The following PCIF1 variants were observed in gnomAD, a reference collection of about 807,000 sequenced individuals.
The protein encoded by PCIF1 is phosphorylated CTD interacting factor 1, also known as mRNA (2'-O-methyladenosine-N(6)-)-methyltransferase.
PCIF1 carries 12 observed loss-of-function variants against 86.9 expected under a neutral mutation model. The ratio of observed to expected loss-of-function variants is 0.14; its 90% CI spans 0.09 to 0.22. The LOEUF (loss-of-function observed/expected upper bound fraction) is 0.22, where lower values mean the gene tolerates loss of function less well. Among genes scored for constraint, PCIF1 ranks in the 10% least tolerant of loss-of-function variants. The pLI is 1.00. For synonymous variants in PCIF1, 397 were observed against 372.0 expected, an observed-to-expected ratio of 1.07 and a Z score of -0.77; for missense variants, 701 against 951.1, an observed-to-expected ratio of 0.74 and a Z score of 3.46.
chr20:45,934,857 G>C, intron 1 of PCIF1, 53 bp downstream of exon 1: 1 of 398,150 alleles, frequency 2.5e-6, no homozygotes. Flanking sequence ...AGGGTCTGGG[G>C]ATCCGAAGCT....
rs759162574 is a variant in PCIF1 at position 45,943,469 on chromosome 20, T to A, written c.905+46T>A. On this transcript the variant is annotated intron_variant, in intron 9 of 16. Transcript: ENST00000372409. This position sits in a 1 kb window ranked among gnomAD's most constrained non-coding sequence, Gnocchi z 5.5. ...AGGCGAGATGGGTCTGTGATTAAAG[T>A]GGCAGGTCATAGGCCATCTTGCCCA... 1 of 1,572,096 alleles carries A rather than the reference T, an allele frequency of 6.4e-7. No homozygotes were observed. The highest frequency in any genetic ancestry group is 8.7e-7 in the Non-Finnish European group (1 of 1,147,404).
In PCIF1 at chr20:45,946,358, C is replaced by T; in HGVS notation, c.1587C>T (p.Asp529=). 1.9e-6 allele frequency: 3 copies of T among 1,613,864 alleles called. 1 individual carries two copies. The South Asian group carries it at 3.3e-5, about 18-fold the overall frequency. The change falls in exon 14 of 17, where the codon GAC becomes GAT. Residue 529 remains aspartate (D), a synonymous_variant. Coordinates refer to ENST00000372409, the MANE Select transcript of PCIF1 (RefSeq NM_022104.4). ...YFRQYCSAFP[D]TDGYFGSRGP... ...GCCAGTACTGTTCTGCCTTCCCCGA[C>T]ACAGACGGCTACTTTGGCTCCCGCG...
chr20:45,943,908 C>T lies in PCIF1; in HGVS notation c.1005+143C>T. ...AGTATGGCAGACGTTCGACATTCGT[C>T]AGTCCCCAAACTCATGACTGTGGAG... On this transcript the variant is annotated intron_variant, in intron 10 of 16. Transcript: ENST00000372409. This position sits in a 1 kb window ranked among gnomAD's most constrained non-coding sequence, Gnocchi z 5.5. The T allele has an allele frequency of 1.6e-6, 1 of 625,754 alleles. No homozygotes were observed. Among genetic ancestry groups the T allele is most frequent in the Non-Finnish European group, 2.8e-6 (1 of 355,622 alleles). 38.8% of individuals were successfully genotyped at this position (625,754 alleles called of 1,614,324 possible).
At position 45,945,149 on chromosome 20, in the gene PCIF1, G is replaced by A. The variant is rs946372771; in HGVS notation, c.1168+119G>A. The A allele has an allele frequency of 5.5e-5, 66 of 1,209,204 alleles. No homozygotes were observed. The African/African-American group carries it at 8.4e-4, about 15-fold the overall frequency. 74.9% of individuals were successfully genotyped at this position (1,209,204 alleles called of 1,614,324 possible). A position where few individuals can be genotyped will look rare whatever the true frequency, so the allele number is the denominator to read the frequency against. On this transcript the variant is annotated intron_variant, in intron 11 of 16. Transcript: ENST00000372409. ...CTGGTTTGGGGCAGAACCTGCCTGT[G>A]TCCTTTGGCTGTACTTCTCTGGGAA... is the stretch of plus-strand genomic sequence containing the variant.
Position 45,943,926 on chromosome 20 carries a change from CTG to C in PCIF1, c.1005+164_1005+165del, listed in dbSNP as rs2083498680. Among the ~76,000 whole-genome samples the C allele has an allele frequency of 6.6e-6, 1 of 151,606 alleles. No individual in the cohort carries two copies. The highest frequency in any genetic ancestry group is 2.4e-5 in the African/African-American group (1 of 40,942). ...CATTCGTCAGTCCCCAAACTCATGACTGTGGAGATGTTTCTCTGGGCTCCTGG... is the reference window on the plus strand; with the variant it reads ...CATTCGTCAGTCCCCAAACTCATGACTGGAGATGTTTCTCTGGGCTCCTGG... On this transcript the variant is annotated intron_variant, in intron 10 of 16. Coordinates refer to ENST00000372409, the MANE Select transcript of PCIF1 (RefSeq NM_022104.4). This position sits in a 1 kb window ranked among gnomAD's most constrained non-coding sequence, Gnocchi z 5.5.
chr20:45,940,991 C>A lies in PCIF1; in HGVS notation c.518+52C>A, dbSNP rs368486446. On this transcript the variant is annotated intron_variant, in intron 6 of 16. Coordinates refer to ENST00000372409, the MANE Select transcript of PCIF1 (RefSeq NM_022104.4). ...GCACCCATTGCTAATGTCAGCCTGT[C>A]TGGGACTGTGGGGTGGTGTGGGTGG... 362 of 1,614,090 alleles carry A rather than the reference C, an allele frequency of 2.2e-4. 1 individual carries two copies. The highest frequency in any genetic ancestry group is 4.9e-4 in the Middle Eastern group (3 of 6,062).
At position 45,947,692 on chromosome 20, in the gene PCIF1, G is replaced by C. The variant is rs1407227559; in HGVS notation, c.2052G>C (p.Ser684=). The C allele has an allele frequency of 1.2e-6, 2 of 1,609,392 alleles. No individual in the cohort carries two copies. The highest frequency in any genetic ancestry group is 1.1e-5 in the South Asian group (1 of 90,966). Residue 684 remains serine, a synonymous_variant, in exon 17 of 17, where the codon TCG becomes TCC. Coordinates refer to ENST00000372409, the MANE Select transcript of PCIF1 (RefSeq NM_022104.4). The surrounding 1 kb of genome is among the most constrained non-coding windows in gnomAD (Gnocchi z 5.4). The part of the protein sequence containing the change: ...HSSGSSSSSS[S]EAKDRDSGRE... ...CTGGTTCTTCCTCATCGTCCTCCTCGGAGGCCAAGGACCGGGACTCGGGCC... is the reference window on the plus strand; with the variant it reads ...CTGGTTCTTCCTCATCGTCCTCCTCCGAGGCCAAGGACCGGGACTCGGGCC...
chr20:45,947,444 T>C lies in PCIF1; in HGVS notation c.1883+6T>C. 6.2e-7 allele frequency: 1 copy of C among 1,613,762 alleles called. No homozygotes were observed. The highest frequency in any genetic ancestry group is 8.5e-7 in the Non-Finnish European group (1 of 1,179,992). ...TCCCAGCACATCTGCAAGAAGTGGG[T>C]GCCAGGGAGGGCAGGGGAAGGAGGC... On this transcript the variant is annotated splice_donor_region_variant and intron_variant, in intron 16 of 16. Transcript: ENST00000372409. The surrounding 1 kb of genome is among the most constrained non-coding windows in gnomAD (Gnocchi z 5.4).
At chr20:45,945,565 C>G in intron 11 of PCIF1, 146 bp from the exon 12 acceptor site, 1 of 1,059,792 alleles carries the variant, frequency 9.4e-7, no homozygotes, top group South Asian at 1.8e-5. Flanking sequence ...CTTTTTATGG[C>G]TTTTCATTCC....
intron 1 of PCIF1, among the ~76,000 whole-genome samples, chr20:45,935,350 C>T (rs1044654555): frequency 6.6e-6 from 1 of 152,108 alleles, no homozygotes; most frequent in Non-Finnish European, 1.5e-5. Flanking sequence ...ATCCCGGACT[C>T]GGACTCTGGC....
chr20:45,944,959 A>G lies in PCIF1; in HGVS notation c.1097A>G (p.His366Arg), dbSNP rs1417237689. Residue 366 changes from histidine to arginine, a missense_variant, in exon 11 of 17, where the codon CAC (histidine) becomes CGC (arginine). Transcript: ENST00000372409. ...GAAGGCATCTGCAGTAAGATCTACC[A>G]CATCTCCCTGGAGTACGTCAAACGG... ...SVEGICSKIYHISLEYVKRIR... is the reference protein window; with the variant it reads ...SVEGICSKIYRISLEYVKRIR... The G allele has an allele frequency of 1.1e-5, 18 of 1,614,046 alleles. No individual in the cohort carries two copies. The highest frequency in any genetic ancestry group is 1.4e-5 in the Non-Finnish European group (17 of 1,180,020).
At chr20:45,945,421 C>T (rs898342460) in intron 11 of PCIF1, among the ~76,000 whole-genome samples, 5 of 152,232 alleles carry the variant, frequency 3.3e-5, no homozygotes, top group Admixed American at 3.3e-4. Context: ...CGTTCTTCTG[C>T]CTGGCAGCAC....
rs1363983158 is a variant in PCIF1, at chr20:45,941,194, C to T, written c.660C>T (p.Cys220=). The change falls in exon 7 of 17, where the codon TGC becomes TGT. Residue 220 remains cysteine (C), a synonymous_variant. Transcript: ENST00000372409. ...TTCGGCAGCACTATCGGGAGCTGTG[C>T]CAGCAGCGAGAGGGTACCTGCCTCT... ...LKLRQHYREL[C]QQREGIEPPR... 6.2e-7 allele frequency: 1 copy of T among 1,605,300 alleles called. No individual in the cohort carries two copies. Among genetic ancestry groups the T allele is most frequent in the Non-Finnish European group, 8.5e-7 (1 of 1,174,642 alleles).
rs745953787 is a variant in PCIF1, at chr20:45,947,491, A to G, written c.1884-33A>G. The G allele has an allele frequency of 6.2e-7, 1 of 1,613,300 alleles. No individual in the cohort carries two copies. Among genetic ancestry groups the G allele is most frequent in the Non-Finnish European group, 8.5e-7 (1 of 1,179,880 alleles). On this transcript the variant is annotated intron_variant, in intron 16 of 16. Transcript: ENST00000372409. The surrounding 1 kb of genome is among the most constrained non-coding windows in gnomAD (Gnocchi z 5.4). ...AGGCTGGGCTGGCCAGGCCAGGCCCAGCCCCACCCTGAGCCATTGCCTTTG... is the reference window on the plus strand; with the variant it reads ...AGGCTGGGCTGGCCAGGCCAGGCCCGGCCCCACCCTGAGCCATTGCCTTTG...
intron 12 of PCIF1, 41 bp downstream of exon 12, chr20:45,945,924 G>C (rs370452526): frequency 7.4e-6 from 12 of 1,613,304 alleles, no homozygotes; most frequent in Non-Finnish European, 1.0e-5. Flanking sequence ...GATGGCATGA[G>C]TCAGGGCCTA....
At position 45,943,271 on chromosome 20, in the gene PCIF1, C is replaced by T; in HGVS notation, c.821+27C>T. On this transcript the variant is annotated intron_variant, in intron 8 of 16. Transcript: ENST00000372409. The surrounding 1 kb of genome is among the most constrained non-coding windows in gnomAD (Gnocchi z 5.5). The stretch of plus-strand genomic sequence containing the variant: ...TACAGCTCCACAGCTGGGGATGACC[C>T]TGGGCCATTTGGTTTCTGTGCCCAG... 1 of 1,614,022 alleles carries T rather than the reference C, an allele frequency of 6.2e-7. No individual in the cohort carries two copies. The highest frequency in any genetic ancestry group is 8.5e-7 in the Non-Finnish European group (1 of 1,179,890).
chr20:45,944,207 A>G (rs899117824), intron 10 of PCIF1, among the ~76,000 whole-genome samples: 13 of 151,732 alleles, frequency 8.6e-5, no homozygotes, highest in Non-Finnish European at 8.8e-5. Context: ...CACTTCTTAA[A>G]CCTCTCCACC....
At chr20:45,940,718 C>T (rs1403347798) in intron 5 of PCIF1, 91 bp from the exon 6 acceptor site, 2 of 1,568,390 alleles carry the variant, frequency 1.3e-6, no homozygotes, top group Non-Finnish European at 1.7e-6. Context: ...AGGAGGGGGG[C>T]CTGGGACACA....
chr20:45,944,889 A>G lies in PCIF1; in HGVS notation c.1027A>G (p.Arg343Gly). ...CTAGGATCGCCTGGAGCATCTGCGG[A>G]GGCAGTGTGGCCCCCACGTCTCGGC... ...DYMDRLEHLR[R>G]QCGPHVSAAA... The change falls in exon 11 of 17, where the codon AGG becomes GGG. Residue 343 changes from arginine (R) to glycine (G), a missense_variant. Physicochemically the swap from Arg to Gly is moderately radical, Grantham distance 125. Around this residue, in one of 7 missense-constraint regions of PCIF1, gnomAD observed 129 missense variants for 245.9 expected, o/e 0.52. Coordinates refer to ENST00000372409, the MANE Select transcript of PCIF1 (RefSeq NM_022104.4). 1 of 1,613,846 alleles carries G rather than the reference A, an allele frequency of 6.2e-7. No homozygotes were observed. The highest frequency in any genetic ancestry group is 1.1e-5 in the South Asian group (1 of 91,074).
Sources: gnomAD v4.1 joint callset for allele counts (sites outside exome capture counted in the v4.1 genomes callset) on GRCh38, gnomAD v4.1.1 for gene constraint, gnomAD v4.1.1 regional missense constraint, Gnocchi (gnomAD v3.1) non-coding constraint, MANE v1.5 for transcripts, NCBI Gene and HGNC (gene_info 2026-07-23, HGNC 2026-07-21) for gene names.